SCARA5: variants seen among roughly 807,000 people sequenced by gnomAD.
SCARA5 encodes scavenger receptor class A member 5.
Under a neutral mutation model 46.3 loss-of-function variants are expected in SCARA5, and 45 were observed. That is an observed-to-expected ratio of 0.97 (90% CI 0.76 to 1.24). SCARA5 has a LOEUF of 1.24. SCARA5 is among the 50% of genes most tolerant of loss of function. SCARA5 has a pLI of 0.00. For missense variants in SCARA5, 680 were observed against 689.0 expected (o/e 0.99, Z 0.15); for synonymous variants, 333 against 306.5 (o/e 1.09, Z -0.90).
intron 3 of SCARA5, among the ~76,000 whole-genome samples, chr8:27,964,290 G>A (rs1036268004): frequency 6.6e-6 from 1 of 152,042 alleles, no homozygotes; most frequent in African/African-American, 2.4e-5. Flanking sequence ...ACACACCCAG[G>A]GCCAAGAGAT....
At chr8:27,902,076 T>A (rs886115807) in intron 7 of SCARA5, among the ~76,000 whole-genome samples, 4 of 152,150 alleles carry the variant, frequency 2.6e-5, no homozygotes, top group Admixed American at 1.3e-4. Context: ...CACCTCCCAA[T>A]TTCACTGCCT....
intron 2 of SCARA5, among the ~76,000 whole-genome samples, chr8:27,967,009 G>T (rs570804040): frequency 6.6e-6 from 1 of 152,342 alleles, no homozygotes; most frequent in East Asian, 1.9e-4. Context: ...CCAACGGCAC[G>T]TGCCTGCTCT....
At chr8:27,886,269 C>T (rs1806894041) in intron 7 of SCARA5, among the ~76,000 whole-genome samples, 1 of 152,244 alleles carries the variant, frequency 6.6e-6, no homozygotes, top group Non-Finnish European at 1.5e-5. Context: ...CCCACAGGGT[C>T]AACAGATGCT....
intron 5 of SCARA5, among the ~76,000 whole-genome samples, chr8:27,908,489 G>T (rs1374300812): frequency 2.0e-5 from 3 of 152,214 alleles, no homozygotes; most frequent in African/African-American, 7.2e-5. Flanking sequence ...TTCCTGCTTG[G>T]AATATGAGTT....
intron 3 of SCARA5, among the ~76,000 whole-genome samples, chr8:27,928,095 C>G (rs1476038557): frequency 6.6e-6 from 1 of 152,170 alleles, no homozygotes; most frequent in Non-Finnish European, 1.5e-5. Flanking sequence ...TTTGCACATC[C>G]CAGAAGAGAA....
At chr8:27,902,404 C>T (rs910041207) in intron 7 of SCARA5, among the ~76,000 whole-genome samples, 2 of 152,128 alleles carry the variant, frequency 1.3e-5, no homozygotes. Context: ...GGCCTCAGGG[C>T]CCAACCCCAG....
At chr8:27,957,195 G>T (rs1808219706) in intron 3 of SCARA5, among the ~76,000 whole-genome samples, 1 of 152,174 alleles carries the variant, frequency 6.6e-6, no homozygotes, top group South Asian at 2.1e-4. Flanking sequence ...CTTAGCAAGG[G>T]TTGGGCACTG....
chr8:27,877,189 C>T (rs1806738676), intron 8 of SCARA5, among the ~76,000 whole-genome samples: 1 of 152,140 alleles, frequency 6.6e-6, no homozygotes, highest in Non-Finnish European at 1.5e-5. Flanking sequence ...TATGCCAGCC[C>T]TTCCCTGCCC....
chr8:27,953,195 G>A (rs1177790964), intron 3 of SCARA5, among the ~76,000 whole-genome samples: 4 of 152,198 alleles, frequency 2.6e-5, no homozygotes, highest in South Asian at 2.1e-4. Flanking sequence ...GAAACAAGGA[G>A]GCTCTCAAAA....
rs1028802170 is a variant in SCARA5 at position 27,936,765 on chromosome 8, G to A, written c.242-14520C>T. Among the ~76,000 whole-genome samples, 5 of 151,886 alleles carry A rather than the reference G, an allele frequency of 3.3e-5. No homozygotes were observed. The South Asian group carries it at 6.3e-4, about 19-fold the overall frequency. The stretch of plus-strand genomic sequence containing the variant: ...CGTGCAGTGGCCAGCTGATGGTCAC[G>A]GATTTCCATATTAGGATGGCCTGTC... On this transcript the variant is annotated intron_variant, in intron 3 of 8. Coordinates refer to ENST00000354914, the MANE Select transcript of SCARA5 (RefSeq NM_173833.6).
chr8:27,918,462 G>T (rs113734387), intron 4 of SCARA5, among the ~76,000 whole-genome samples: 1 of 9,802 alleles, frequency 1.0e-4, no homozygotes, highest in Non-Finnish European at 1.9e-4. Flanking sequence ...TAGAAAGGTT[G>T]GGGGGGGTTC....
intron 4 of SCARA5, among the ~76,000 whole-genome samples, chr8:27,918,874 G>T: frequency 9.5e-6 from 1 of 105,290 alleles, no homozygotes; most frequent in Admixed American, 9.2e-5. Context: ...AGGAGGGGAA[G>T]AAGGAGAAGG....
intron 3 of SCARA5, among the ~76,000 whole-genome samples, chr8:27,962,470 A>T (rs908087589): frequency 1.3e-5 from 2 of 152,182 alleles, no homozygotes; most frequent in Non-Finnish European, 2.9e-5. Context: ...AAGGGGTGAA[A>T]TTTCACAGGG....
chr8:27,980,995 C>T (rs928994555), intron 2 of SCARA5, among the ~76,000 whole-genome samples: 10 of 152,292 alleles, frequency 6.6e-5, no homozygotes, highest in African/African-American at 2.2e-4. Context: ...CTTCTACCTC[C>T]TCATCTCTCC....
chr8:27,987,878 A>G (rs755076468), intron 1 of SCARA5, among the ~76,000 whole-genome samples: 82 of 152,026 alleles, frequency 5.4e-4, no homozygotes, highest in Non-Finnish European at 7.9e-4. Flanking sequence ...GGCCTTTCTG[A>G]TGGTGGGATG....
At chr8:27,907,951 T>C (rs1048717006) in intron 5 of SCARA5, among the ~76,000 whole-genome samples, 1 of 152,144 alleles carries the variant, frequency 6.6e-6, no homozygotes, top group African/African-American at 2.4e-5. Flanking sequence ...TCTCATTTAA[T>C]CATCACAAGA....
intron 6 of SCARA5, among the ~76,000 whole-genome samples, chr8:27,905,414 A>G (rs760401647): frequency 1.3e-5 from 2 of 151,916 alleles, no homozygotes; most frequent in Non-Finnish European, 2.9e-5. Context: ...CTTCTATTCC[A>G]AGGACCCCCA....
chr8:27,875,218 T>C (rs62496777), intron 8 of SCARA5, among the ~76,000 whole-genome samples: 2 of 83,274 alleles, frequency 2.4e-5, no homozygotes, highest in East Asian at 2.8e-4. Flanking sequence ...TCCCTCCCTC[T>C]CTTCACTCCT....
At chr8:27,913,435 T>G (rs1476811754) in intron 4 of SCARA5, among the ~76,000 whole-genome samples, 2 of 152,232 alleles carry the variant, frequency 1.3e-5, no homozygotes, top group Non-Finnish European at 2.9e-5. Flanking sequence ...CTTTTTAGTG[T>G]GTTTACTGAC....
Sources: gnomAD v4.1 joint callset for allele counts (sites outside exome capture counted in the v4.1 genomes callset) on GRCh38, gnomAD v4.1.1 for gene constraint, MANE v1.5 for transcripts, NCBI Gene and HGNC (gene_info 2026-07-23, HGNC 2026-07-21) for gene names.